Variants in EFCAB6 observed in about 807,000 individuals in gnomAD.
The protein encoded by EFCAB6 is EF-hand calcium-binding domain-containing protein 6.
A neutral mutation model predicts 169.8 loss-of-function variants in EFCAB6; 156 were observed. The ratio of observed to expected loss-of-function variants is 0.92; its 90% confidence interval spans 0.81 to 1.05. The LOEUF is 1.05. EFCAB6 is among the 50% of genes least tolerant of loss of function. The pLI is 0.00. For missense variants in EFCAB6, 1,800 were observed against 1,829.1 expected (o/e 0.98, Z 0.29); for synonymous variants, 698 against 676.4 (o/e 1.03, Z -0.50).
At chr22:43,655,129 C>T (rs2148095374) in intron 17 of EFCAB6, among the ~76,000 whole-genome samples, 1 of 152,136 alleles carries the variant, frequency 6.6e-6, no homozygotes, top group South Asian at 2.1e-4. Flanking sequence ...TGGTGGCAGG[C>T]ACCTGTAATC....
chr22:43,537,733 T>C lies in EFCAB6; in HGVS notation c.3880-188A>G, dbSNP rs1047866380. On this transcript the variant is annotated intron_variant, in intron 28 of 31. Transcript: ENST00000262726. This position sits in a 1 kb window ranked among gnomAD's most constrained non-coding sequence, Gnocchi z 4.3. ...CTTTTATTTCCATTGGTGGGCTATA[T>C]GTACTTATGCCAAGCCATAATAACC... Among the ~76,000 whole-genome samples the C allele has an allele frequency of 6.6e-6, 1 of 152,210 alleles. No individual in the cohort carries two copies. Among genetic ancestry groups the C allele is most frequent in the African/African-American group, 2.4e-5 (1 of 41,458 alleles).
chr22:43,598,307 C>A (rs2052185479), intron 23 of EFCAB6, among the ~76,000 whole-genome samples: 2 of 2,838 alleles, frequency 7.0e-4, no homozygotes, highest in African/African-American at 6.2e-3. Flanking sequence ...GACACTGTCT[C>A]CGGGAAAAAA....
chr22:43,693,801 CAATACAT>C (rs1387713472), intron 10 of EFCAB6, among the ~76,000 whole-genome samples: 1 of 151,508 alleles, frequency 6.6e-6, no homozygotes, highest in Non-Finnish European at 1.5e-5. Flanking sequence ...AGCATTATGC[CAATACAT>C]TTGACAATTA....
intron 7 of EFCAB6, among the ~76,000 whole-genome samples, 189 bp from the exon 8 acceptor site, chr22:43,732,000 A>G (rs2059970158): frequency 6.6e-6 from 1 of 152,086 alleles, no homozygotes; most frequent in Non-Finnish European, 1.5e-5. Flanking sequence ...CTACTTCGAG[A>G]TCACTTCTCC....
intron 20 of EFCAB6, among the ~76,000 whole-genome samples, chr22:43,625,487 T>A (rs189936503): frequency 6.6e-5 from 10 of 152,188 alleles, no homozygotes; most frequent in African/African-American, 2.4e-4. Context: ...TGGGGACGGG[T>A]GATCCCCTGC....
intron 20 of EFCAB6, among the ~76,000 whole-genome samples, chr22:43,619,815 GA>G (rs1380883095): frequency 6.6e-6 from 1 of 152,098 alleles, no homozygotes; most frequent in Admixed American, 6.5e-5. Flanking sequence ...GATGGGTACA[GA>G]AAAAGCATTT....
At chr22:43,564,673 C>G (rs938207242) in intron 26 of EFCAB6, among the ~76,000 whole-genome samples, 13 of 152,122 alleles carry the variant, frequency 8.5e-5, no homozygotes, top group Non-Finnish European at 1.2e-4. Flanking sequence ...CCCTAAGGGT[C>G]AAGAGAACCT....
At chr22:43,805,933 G>A (rs1569497159) in intron 2 of EFCAB6, among the ~76,000 whole-genome samples, 5 of 152,172 alleles carry the variant, frequency 3.3e-5, no homozygotes, top group Non-Finnish European at 4.4e-5. Flanking sequence ...GGGAGGCCGA[G>A]GTGGGCAGAT....
chr22:43,673,020 G>A (rs934240889), intron 13 of EFCAB6, among the ~76,000 whole-genome samples: 6 of 152,250 alleles, frequency 3.9e-5, no homozygotes, highest in African/African-American at 7.2e-5. Context: ...TGGCGAAAAC[G>A]CAAAAGTAAG....
At chr22:43,598,309 G>A (rs547429461) in intron 23 of EFCAB6, among the ~76,000 whole-genome samples, 149 of 2,320 alleles carry the variant, frequency 0.064, 28 homozygotes, top group East Asian at 0.36. Flanking sequence ...CACTGTCTCC[G>A]GGAAAAAAAA....
At position 43,683,658 on chromosome 22, in the gene EFCAB6, G is replaced by A. The variant is rs145087075; in HGVS notation, c.1251+89C>T. Reference sequence around the variant, plus strand: ...GTGTTTGTTGGATGGATAAATGAACGAATATGGAGTTGTTATTGGTCTTGT... The same window carrying A: ...GTGTTTGTTGGATGGATAAATGAACAAATATGGAGTTGTTATTGGTCTTGT... On this transcript the variant is annotated intron_variant, in intron 12 of 31. Coordinates refer to ENST00000262726, the MANE Select transcript of EFCAB6 (RefSeq NM_022785.4). The A allele has an allele frequency of 3.6e-3, 3,386 of 933,414 alleles. 111 individuals carry two copies. In the Admixed American group the frequency reaches 0.058, roughly 16 times the overall value. The allele number at this position is 933,414 out of a possible 1,614,324, so 57.8% of individuals were successfully genotyped here.
intron 26 of EFCAB6, among the ~76,000 whole-genome samples, chr22:43,556,789 C>T (rs1163395822): frequency 6.6e-6 from 1 of 152,234 alleles, no homozygotes; most frequent in African/African-American, 2.4e-5. Flanking sequence ...CTCCACCATG[C>T]AAAGGCTAAC....
chr22:43,660,402 G>A (rs1366847905), intron 17 of EFCAB6, among the ~76,000 whole-genome samples: 5 of 152,008 alleles, frequency 3.3e-5, no homozygotes, highest in Non-Finnish European at 7.4e-5. Context: ...GAGAAAAGGT[G>A]GCAGACAGCT....
intron 2 of EFCAB6, chr22:43,802,885 A>T (rs971858057): frequency 3.3e-6 from 1 of 305,020 alleles, no homozygotes; most frequent in African/African-American, 2.2e-5. Context: ...TAGCACACAG[A>T]ACACTTCATT....
intron 26 of EFCAB6, among the ~76,000 whole-genome samples, chr22:43,569,101 T>C (rs980609445): frequency 5.3e-5 from 8 of 152,148 alleles, no homozygotes; most frequent in African/African-American, 1.4e-4. Context: ...GCCTACCCTG[T>C]CCATGCTACT....
In EFCAB6 at chr22:43,672,046, G is replaced by A. The variant is rs34666823; in HGVS notation, c.1567C>T (p.Arg523Cys). The stretch of plus-strand genomic sequence containing the variant: ...TTCTTGAAATTATTTCGGCCAATGC[G>A]CCCTGTGTCTCCAAGGTCATATGAG... ...LRSYDLGDTG[R>C]IGRNNFKKIM... The change falls in exon 15 of 32, where the codon CGC (arginine) becomes TGC (cysteine). Residue 523 changes from arginine to cysteine, a missense_variant. Physicochemically the swap from Arg to Cys is radical, Grantham distance 180. Transcript: ENST00000262726. The A allele has an allele frequency of 4.8e-4, 770 of 1,614,120 alleles. 1 individual carries two copies. Among genetic ancestry groups the A allele is most frequent in the Non-Finnish European group, 6.0e-4 (711 of 1,180,018 alleles).
chr22:43,529,122 G>T, intron 31 of EFCAB6, 147 bp from the exon 32 acceptor site: 1 of 959,286 alleles, frequency 1.0e-6, no homozygotes, highest in Non-Finnish European at 1.5e-6. Flanking sequence ...CTCTCTCTAT[G>T]CCCTCTCAAC....
At position 43,784,640 on chromosome 22, in the gene EFCAB6, T is replaced by C. The variant is rs1191333429; in HGVS notation, c.-7-2315A>G. 5.8e-4 allele frequency among the ~76,000 whole-genome samples: 36 copies of C among 62,454 alleles called. 2 individuals are homozygous for C. The highest frequency in any genetic ancestry group is 9.6e-4 in the Non-Finnish European group (29 of 30,210). The allele number at this position is 62,454 out of a possible 152,430, so 41.0% of individuals were successfully genotyped here. On this transcript the variant is annotated intron_variant, in intron 2 of 31. Transcript: ENST00000262726. The stretch of plus-strand genomic sequence containing the variant: ...ATATATACACATATATATGTATATG[T>C]ACACATATATATGTGTATATATACA...
At chr22:43,625,894 C>A (rs1317078731) in intron 20 of EFCAB6, among the ~76,000 whole-genome samples, 1 of 152,242 alleles carries the variant, frequency 6.6e-6, no homozygotes, top group Non-Finnish European at 1.5e-5. Context: ...AGTTGGTGCA[C>A]GGCCCTCCGC....
Sources: gnomAD v4.1 joint callset for allele counts (sites outside exome capture counted in the v4.1 genomes callset) on GRCh38, gnomAD v4.1.1 for gene constraint, Gnocchi (gnomAD v3.1) non-coding constraint, MANE v1.5 for transcripts, NCBI Gene and HGNC (gene_info 2026-07-23, HGNC 2026-07-21) for gene names.